PPP2R5E: variants seen among roughly 807,000 people sequenced by gnomAD.
The protein encoded by PPP2R5E is protein phosphatase 2 regulatory subunit B'epsilon.
Under a neutral mutation model 65.3 loss-of-function variants are expected in PPP2R5E, and 4 were observed. The ratio of observed to expected loss-of-function variants is 0.06; its 90% CI spans 0.03 to 0.14. PPP2R5E has a LOEUF of 0.14. Among genes scored for constraint, PPP2R5E ranks in the 10% least tolerant of loss-of-function variants. PPP2R5E has a pLI of 1.00. For synonymous variants in PPP2R5E, 183 were observed against 187.4 expected (o/e 0.98, Z 0.19); for missense variants, 274 against 556.1 (o/e 0.49, Z 5.10).
intron 2 of PPP2R5E, among the ~76,000 whole-genome samples, chr14:63,506,203 C>T (rs1407717302): frequency 6.6e-6 from 1 of 152,158 alleles, no homozygotes; most frequent in Non-Finnish European, 1.5e-5. Flanking sequence ...GTAATCCTAG[C>T]ACTTTGGGAG....
intron 5 of PPP2R5E, among the ~76,000 whole-genome samples, chr14:63,401,114 T>G (rs973462130): frequency 6.6e-6 from 1 of 152,206 alleles, no homozygotes; most frequent in African/African-American, 2.4e-5. Flanking sequence ...TCATATTCTA[T>G]GAGAAAGATG....
At chr14:63,461,621 A>T (rs1204380849) in intron 2 of PPP2R5E, among the ~76,000 whole-genome samples, 1 of 147,322 alleles carries the variant, frequency 6.8e-6, no homozygotes, top group African/African-American at 2.6e-5. Context: ...ACACAGCGAG[A>T]TCGCGTCTCT....
intron 3 of PPP2R5E, among the ~76,000 whole-genome samples, chr14:63,424,993 A>T (rs903493343): frequency 1.3e-5 from 2 of 152,160 alleles, no homozygotes; most frequent in African/African-American, 4.8e-5. Context: ...TGAAGTGTAC[A>T]CTATTACGAT....
intron 2 of PPP2R5E, among the ~76,000 whole-genome samples, chr14:63,517,504 A>T (rs1443545450): frequency 6.6e-6 from 1 of 152,176 alleles, no homozygotes; most frequent in African/African-American, 2.4e-5. Flanking sequence ...TTATTTTGTT[A>T]GACCCTGTCA....
chr14:63,404,993 A>G (rs946869857), intron 5 of PPP2R5E, among the ~76,000 whole-genome samples: 6 of 152,226 alleles, frequency 3.9e-5, no homozygotes, highest in African/African-American at 1.4e-4. Context: ...GAGTTTCAAG[A>G]CAGCAAGAGC....
Position 63,397,186 on chromosome 14 carries a change from T to C in PPP2R5E, c.550-470A>G, listed in dbSNP as rs551933444. On this transcript the variant is annotated intron_variant, in intron 5 of 13. Transcript: ENST00000337537. ...AGCTCAACCACTGCACTATGCTACCTACTGATATTCCAAATATGCAGTTAA... is the reference window on the plus strand; with the variant it reads ...AGCTCAACCACTGCACTATGCTACCCACTGATATTCCAAATATGCAGTTAA... 1.4e-3 allele frequency among the ~76,000 whole-genome samples: 209 copies of C among 152,346 alleles called. 4 individuals are homozygous for C. The South Asian group carries it at 0.042, about 30-fold the overall frequency.
At chr14:63,520,845 C>A (rs1419277660) in intron 2 of PPP2R5E, among the ~76,000 whole-genome samples, 1 of 121,218 alleles carries the variant, frequency 8.2e-6, no homozygotes, top group Non-Finnish European at 1.6e-5. Context: ...GAAACCTCAT[C>A]TCTACTAAAA....
intron 3 of PPP2R5E, among the ~76,000 whole-genome samples, chr14:63,446,893 T>C (rs1888509978): frequency 6.6e-6 from 1 of 151,478 alleles, no homozygotes; most frequent in African/African-American, 2.4e-5. Context: ...CCATTAGAGC[T>C]CTTGGGTAAC....
intron 5 of PPP2R5E, among the ~76,000 whole-genome samples, chr14:63,404,657 A>C (rs1885965381): frequency 6.6e-6 from 1 of 152,196 alleles, no homozygotes; most frequent in Non-Finnish European, 1.5e-5. Context: ...CTCCTATGGA[A>C]ATTCAATACA....
At chr14:63,437,688 A>G (rs980236856) in intron 3 of PPP2R5E, among the ~76,000 whole-genome samples, 3 of 152,182 alleles carry the variant, frequency 2.0e-5, no homozygotes, top group African/African-American at 7.2e-5. Flanking sequence ...CCAATTCCAC[A>G]GTATTTCAAA....
chr14:63,417,822 G>T (rs1330552094), intron 4 of PPP2R5E, among the ~76,000 whole-genome samples: 1 of 152,106 alleles, frequency 6.6e-6, no homozygotes, highest in Non-Finnish European at 1.5e-5. Flanking sequence ...CGCCACTTTT[G>T]CAATGAATAG....
At chr14:63,501,625 A>C (rs984894935) in intron 2 of PPP2R5E, among the ~76,000 whole-genome samples, 1 of 152,162 alleles carries the variant, frequency 6.6e-6, no homozygotes, top group Non-Finnish European at 1.5e-5. Flanking sequence ...AAATGTTCTA[A>C]AAATAGATTG....
intron 5 of PPP2R5E, among the ~76,000 whole-genome samples, chr14:63,408,684 A>T (rs1886221401): frequency 6.6e-6 from 1 of 152,252 alleles, no homozygotes; most frequent in Non-Finnish European, 1.5e-5. Context: ...TTATATAGAC[A>T]TCTTTCTGAT....
At chr14:63,477,384 TAGTC>T (rs1350083122) in intron 2 of PPP2R5E, among the ~76,000 whole-genome samples, 2 of 152,170 alleles carry the variant, frequency 1.3e-5, no homozygotes, top group East Asian at 1.9e-4. Flanking sequence ...TGATCCTTGA[TAGTC>T]AGCCAGGCAA....
intron 3 of PPP2R5E, among the ~76,000 whole-genome samples, chr14:63,432,335 G>A (rs1049490370): frequency 6.6e-6 from 1 of 152,072 alleles, no homozygotes; most frequent in Non-Finnish European, 1.5e-5. Context: ...ATGATGAATT[G>A]GTATAACTAG....
At chr14:63,442,931 T>C (rs1455620474) in intron 3 of PPP2R5E, among the ~76,000 whole-genome samples, 1 of 152,230 alleles carries the variant, frequency 6.6e-6, no homozygotes, top group Non-Finnish European at 1.5e-5. Flanking sequence ...GTTGTTCTTT[T>C]ATTAAAAGAA....
intron 4 of PPP2R5E, among the ~76,000 whole-genome samples, chr14:63,420,771 G>GAATACATTTCTACGAAAAT (rs1243319267): frequency 9.6e-6 from 1 of 104,052 alleles, no homozygotes; most frequent in African/African-American, 5.2e-5. Flanking sequence ...GTCAACCTGA[G>GAATACATTTCTACGAAAAT]GCCGGGCGCG....
At chr14:63,482,360 G>A (rs561968796) in intron 2 of PPP2R5E, among the ~76,000 whole-genome samples, 8 of 152,294 alleles carry the variant, frequency 5.3e-5, no homozygotes, top group Admixed American at 4.6e-4. Context: ...TCAGGAGGCT[G>A]AGGCACAAGA....
chr14:63,488,492 T>C (rs1891111325), intron 2 of PPP2R5E, among the ~76,000 whole-genome samples: 2 of 152,150 alleles, frequency 1.3e-5, no homozygotes. Context: ...TGTGAGCCAC[T>C]GTACCCAGCC....
Sources: allele counts gnomAD v4.1 joint callset (sites outside exome capture counted in the v4.1 genomes callset), GRCh38; gene constraint gnomAD v4.1.1; transcripts MANE v1.5; gene names NCBI Gene and HGNC (gene_info 2026-07-23, HGNC 2026-07-21).